Variants in ANKFN1 observed in about 807,000 individuals in gnomAD.
ANKFN1 encodes ankyrin repeat and fibronectin type-III domain-containing protein 1.
Under a neutral mutation model 108.7 loss-of-function variants are expected in ANKFN1, and 74 were observed. The ratio of observed to expected loss-of-function variants is 0.68; its 90% CI spans 0.56 to 0.83. ANKFN1 has a LOEUF of 0.83. Among genes scored for constraint, ANKFN1 ranks in the 40% least tolerant of loss-of-function variants. ANKFN1 has a pLI of 0.00. For synonymous variants in ANKFN1, 547 were observed against 516.2 expected (o/e 1.06, Z -0.81); for missense variants, 1,505 against 1,382.3 (o/e 1.09, Z -1.41).
At chr17:56,135,748 T>TA (rs1907564333) in intron 4 of ANKFN1, among the ~76,000 whole-genome samples, 1 of 152,168 alleles carries the variant, frequency 6.6e-6, no homozygotes. Context: ...AGGGTTCTAT[T>TA]TACTCTATGT....
intron 8 of ANKFN1, among the ~76,000 whole-genome samples, chr17:56,414,430 A>T (rs145833139): frequency 6.6e-6 from 1 of 152,304 alleles, no homozygotes; most frequent in African/African-American, 2.4e-5. Context: ...AACCAGACAA[A>T]GACACATCAA....
chr17:56,215,269 TC>T (rs1221560458), intron 2 of ANKFN1, among the ~76,000 whole-genome samples: 1 of 152,200 alleles, frequency 6.6e-6, no homozygotes, highest in Admixed American at 6.5e-5. Flanking sequence ...CCAGAATCTA[TC>T]GCTTACCAGC....
At chr17:56,236,325 G>A (rs1291405836) in intron 3 of ANKFN1, among the ~76,000 whole-genome samples, 1 of 152,082 alleles carries the variant, frequency 6.6e-6, no homozygotes, top group Non-Finnish European at 1.5e-5. Flanking sequence ...CTAAAGTACT[G>A]GGATTACAGG....
chr17:56,410,440 G>T (rs180905582), intron 8 of ANKFN1, among the ~76,000 whole-genome samples: 1 of 151,816 alleles, frequency 6.6e-6, no homozygotes, highest in African/African-American at 2.4e-5. Flanking sequence ...ATAGTTATGG[G>T]GTATAATATG....
chr17:56,338,244 T>C (rs62075291), intron 4 of ANKFN1, among the ~76,000 whole-genome samples: 75,575 of 151,796 alleles, frequency 0.5, 19,202 homozygotes, highest in Middle Eastern at 0.57. Context: ...TAGGTGGGAA[T>C]TGAACAATGA....
At chr17:56,307,620 A>T (rs1281694111) in intron 3 of ANKFN1, among the ~76,000 whole-genome samples, 1 of 152,190 alleles carries the variant, frequency 6.6e-6, no homozygotes, top group Non-Finnish European at 1.5e-5. Flanking sequence ...ACACTTTTAC[A>T]CTGTTGGTGG....
rs183437635 is a variant in ANKFN1 at position 56,319,500 on chromosome 17, G to A, written c.54-6721G>A. Among the ~76,000 whole-genome samples, 11 of 152,290 alleles carry A rather than the reference G, an allele frequency of 7.2e-5. No individual in the cohort carries two copies. In the East Asian group the frequency reaches 2.1e-3, roughly 29 times the overall value. ...GGCCAAAATGAGTGTTGTAAATGGA[G>A]AGGGATCCCAACATCTCTGCCATGG... On this transcript the variant is annotated intron_variant, in intron 3 of 20. Transcript: ENST00000682825.
At chr17:56,445,351 C>G (rs150799792) in intron 10 of ANKFN1, among the ~76,000 whole-genome samples, 1 of 152,216 alleles carries the variant, frequency 6.6e-6, no homozygotes, top group African/African-American at 2.4e-5. Context: ...ACGTTCCATT[C>G]AGACACTATC....
At chr17:56,154,152 C>G (rs1292566580) in intron 1 of ANKFN1, among the ~76,000 whole-genome samples, 1 of 152,032 alleles carries the variant, frequency 6.6e-6, no homozygotes, top group Non-Finnish European at 1.5e-5. Context: ...GTTACTGACC[C>G]AGATTGGTCC....
At chr17:56,239,696 C>T (rs1225114789) in intron 3 of ANKFN1, among the ~76,000 whole-genome samples, 1 of 152,124 alleles carries the variant, frequency 6.6e-6, no homozygotes, top group African/African-American at 2.4e-5. Flanking sequence ...GACATTTTCG[C>T]TCCTCTTTCC....
chr17:56,227,052 C>T (rs923956680), intron 2 of ANKFN1, among the ~76,000 whole-genome samples: 1 of 152,078 alleles, frequency 6.6e-6, no homozygotes, highest in Non-Finnish European at 1.5e-5. Context: ...AAAGATCTTT[C>T]TGTAGGTCTG....
intron 3 of ANKFN1, among the ~76,000 whole-genome samples, chr17:56,315,590 G>C (rs73311735): frequency 6.6e-6 from 1 of 152,114 alleles, no homozygotes; most frequent in Non-Finnish European, 1.5e-5. Flanking sequence ...TCCATTCAAC[G>C]CCTTTGCTGT....
At chr17:56,159,489 T>G (rs1458909987) in intron 1 of ANKFN1, among the ~76,000 whole-genome samples, 1 of 152,246 alleles carries the variant, frequency 6.6e-6, no homozygotes, top group Admixed American at 6.5e-5. Flanking sequence ...ATGAGATTTA[T>G]AGCATTATCT....
chr17:56,168,027 G>T (rs928583474), intron 1 of ANKFN1, among the ~76,000 whole-genome samples: 1 of 152,150 alleles, frequency 6.6e-6, no homozygotes, highest in Non-Finnish European at 1.5e-5. Flanking sequence ...AGCACTTTGG[G>T]AGGCAAAGGC....
At chr17:56,247,098 T>A (rs1450958190) in intron 3 of ANKFN1, among the ~76,000 whole-genome samples, 2 of 152,224 alleles carry the variant, frequency 1.3e-5, no homozygotes, top group Non-Finnish European at 2.9e-5. Context: ...TTTTTCATTT[T>A]CCATTCATTT....
Position 56,514,016 on chromosome 17 carries a change from A to G in ANKFN1, c.*2747A>G, listed in dbSNP as rs903852662. Among the ~76,000 whole-genome samples, 4 of 152,214 alleles carry G rather than the reference A, an allele frequency of 2.6e-5. No homozygotes were observed. The highest frequency in any genetic ancestry group is 9.6e-5 in the African/African-American group (4 of 41,466). ...TATTCATTTGGCCGACCTTCTACTT[A>G]CAGAGACTTTACAATGTCTGAGGAT... On this transcript the variant is annotated 3_prime_UTR_variant, in exon 21 of 21. Coordinates refer to ENST00000682825, the MANE Select transcript of ANKFN1 (RefSeq NM_001370326.1).
rs1196141090 is a variant in ANKFN1 at position 56,482,528 on chromosome 17, T to C, written c.2260+4T>C. 3 of 1,610,632 alleles carry C rather than the reference T, an allele frequency of 1.9e-6. No homozygotes were observed. The highest frequency in any genetic ancestry group is 2.5e-6 in the Non-Finnish European group (3 of 1,178,654). ...CCTCTTCAGATGTTTGAACTTGGTA[T>C]AGTAGCTTGTTTCACCTAGAAATAT... On this transcript the variant is annotated splice_donor_region_variant and intron_variant, in intron 18 of 20. Coordinates refer to ENST00000682825, the MANE Select transcript of ANKFN1 (RefSeq NM_001370326.1).
chr17:56,304,898 T>C (rs967090846), intron 3 of ANKFN1, among the ~76,000 whole-genome samples: 1 of 152,140 alleles, frequency 6.6e-6, no homozygotes, highest in Admixed American at 6.5e-5. Flanking sequence ...GAATATTTGG[T>C]TTTTATTCTT....
intron 8 of ANKFN1, among the ~76,000 whole-genome samples, chr17:56,410,486 A>G (rs2048060220): frequency 6.6e-6 from 1 of 152,216 alleles, no homozygotes. Flanking sequence ...AAAATTCAAT[A>G]AAGCTAATTA....
Sources: gnomAD v4.1 joint callset for allele counts (sites outside exome capture counted in the v4.1 genomes callset) on GRCh38, gnomAD v4.1.1 for gene constraint, MANE v1.5 for transcripts, NCBI Gene and HGNC (gene_info 2026-07-23, HGNC 2026-07-21) for gene names.